The following LRRTM4 variants were observed in gnomAD, a reference collection of about 807,000 sequenced individuals.
The protein encoded by LRRTM4 is leucine rich repeat transmembrane neuronal 4, also known as leucine-rich repeat transmembrane neuronal protein 4.
Under a neutral mutation model 47.6 loss-of-function variants are expected in LRRTM4, and 25 were observed. The observed-to-expected ratio is 0.53, with a 90% CI of 0.38 to 0.73. The LOEUF (loss-of-function observed/expected upper bound fraction) is 0.73. LRRTM4 is among the 30% of genes least tolerant of loss of function. LRRTM4 has a pLI of 0.00. For missense variants in LRRTM4, 638 were observed against 713.4 expected (o/e 0.89, Z 1.20); for synonymous variants, 311 against 269.5 (o/e 1.15, Z -1.51).
At chr2:77,217,440 A>AATATATATAGATAT in intron 3 of LRRTM4, among the ~76,000 whole-genome samples, 1 of 76,794 alleles carries the variant, frequency 1.3e-5, no homozygotes, top group East Asian at 4.5e-4. Context: ...CTCCAAATGA[A>AATATATATAGATAT]ATATATATAT....
intron 3 of LRRTM4, among the ~76,000 whole-genome samples, chr2:76,936,085 T>C (rs943293273): frequency 1.3e-5 from 2 of 152,196 alleles, no homozygotes; most frequent in Non-Finnish European, 2.9e-5. Flanking sequence ...AATCCCATAC[T>C]GGGTATATAC....
intron 3 of LRRTM4, among the ~76,000 whole-genome samples, chr2:76,999,537 T>G (rs977058680): frequency 6.6e-6 from 1 of 151,962 alleles, no homozygotes; most frequent in African/African-American, 2.4e-5. Context: ...TCAACATATA[T>G]TGAGCCTAGG....
In LRRTM4 at chr2:77,158,534, T is replaced by G. The variant is rs114290496; in HGVS notation, c.1551+359784A>C. ...ATTTCATGGGCACTGCCTATTTTTT[T>G]ACCTTTTTTTTGCAATATTCTGTTT... is the stretch of plus-strand genomic sequence containing the variant. On this transcript the variant is annotated intron_variant, in intron 3 of 3. Coordinates refer to ENST00000409884, the MANE Select transcript of LRRTM4 (RefSeq NM_001134745.3). Among the ~76,000 whole-genome samples the G allele has an allele frequency of 5.0e-3, 763 of 152,306 alleles. 9 individuals carry two copies. The highest frequency in any genetic ancestry group is 0.018 in the African/African-American group (737 of 41,580).
In LRRTM4 at chr2:76,951,586, A is replaced by G. The variant is rs1272904427; in HGVS notation, c.1552-202670T>C. On this transcript the variant is annotated intron_variant, in intron 3 of 3. Transcript: ENST00000409884. Reference sequence around the variant, plus strand: ...AAATTTCAAGGTTTGTTTGACTATAAGAAATTGCTGCTCAAACCTTCAGAT... The same window carrying G: ...AAATTTCAAGGTTTGTTTGACTATAGGAAATTGCTGCTCAAACCTTCAGAT... 2.6e-5 allele frequency among the ~76,000 whole-genome samples: 4 copies of G among 152,084 alleles called. No individual in the cohort carries two copies. The East Asian group carries it at 5.8e-4, about 22-fold the overall frequency.
At chr2:76,990,458 G>A (rs907203230) in intron 3 of LRRTM4, among the ~76,000 whole-genome samples, 1 of 151,608 alleles carries the variant, frequency 6.6e-6, no homozygotes, top group Admixed American at 6.6e-5. Context: ...GGAAAAAGAT[G>A]TGTCAGGCAG....
In LRRTM4 at chr2:77,152,720, AG is replaced by A. The variant is rs540789832; in HGVS notation, c.1551+365597del. 1.2e-3 allele frequency among the ~76,000 whole-genome samples: 184 copies of A among 152,310 alleles called. 2 individuals carry two copies. The highest frequency in any genetic ancestry group is 3.3e-3 in the Admixed American group (50 of 15,294). On this transcript the variant is annotated intron_variant, in intron 3 of 3. Coordinates refer to ENST00000409884, the MANE Select transcript of LRRTM4 (RefSeq NM_001134745.3). ...TGTGAACTAAATGAGCGAATACCTGAGAAGCATGTATAATAATTGAGTAACA... is the reference window on the plus strand; with the variant it reads ...TGTGAACTAAATGAGCGAATACCTGAAAGCATGTATAATAATTGAGTAACA...
At chr2:76,782,387 G>T (rs1357990187) in intron 3 of LRRTM4, among the ~76,000 whole-genome samples, 1 of 152,136 alleles carries the variant, frequency 6.6e-6, no homozygotes, top group African/African-American at 2.4e-5. Flanking sequence ...AGAAGTTCCA[G>T]TATAACTAGT....
At chr2:76,986,024 C>A (rs1296310711) in intron 3 of LRRTM4, 1 of 151,934 alleles carries the variant, frequency 6.6e-6, no homozygotes, top group East Asian at 1.9e-4. Context: ...ACCTTCCATT[C>A]GCATTGTAAC....
intron 3 of LRRTM4, among the ~76,000 whole-genome samples, chr2:77,157,733 A>T (rs1672597898): frequency 6.6e-6 from 1 of 152,086 alleles, no homozygotes; most frequent in Non-Finnish European, 1.5e-5. Flanking sequence ...TGTGATCCTT[A>T]TGGAAGAAAA....
chr2:77,263,055 G>C (rs1359645573), intron 3 of LRRTM4, among the ~76,000 whole-genome samples: 1 of 152,064 alleles, frequency 6.6e-6, no homozygotes, highest in African/African-American at 2.4e-5. Context: ...CTCCAGGGAG[G>C]AGACAGGGGC....
chr2:77,449,054 T>C (rs778585192), intron 3 of LRRTM4, among the ~76,000 whole-genome samples: 13 of 152,208 alleles, frequency 8.5e-5, no homozygotes, highest in Non-Finnish European at 1.6e-4. Flanking sequence ...GGAATAGCAG[T>C]GAATTGAGTC....
At chr2:76,868,121 G>A (rs115151960) in intron 3 of LRRTM4, among the ~76,000 whole-genome samples, 3,014 of 152,238 alleles carry the variant, frequency 0.02, 105 homozygotes, top group African/African-American at 0.068. Context: ...ACTGAATCAG[G>A]AATGTAAAGT....
At chr2:77,388,388 C>T (rs1197491671) in intron 3 of LRRTM4, among the ~76,000 whole-genome samples, 1 of 152,092 alleles carries the variant, frequency 6.6e-6, no homozygotes, top group Admixed American at 6.6e-5. Context: ...GACAGCAATA[C>T]AGAAGGAGTC....
At chr2:77,164,293 G>A (rs939059536) in intron 3 of LRRTM4, among the ~76,000 whole-genome samples, 2 of 152,126 alleles carry the variant, frequency 1.3e-5, no homozygotes, top group African/African-American at 4.8e-5. Context: ...CAATACAGGA[G>A]CACCCAGATT....
At chr2:77,015,600 A>G (rs1415336001) in intron 3 of LRRTM4, among the ~76,000 whole-genome samples, 1 of 152,154 alleles carries the variant, frequency 6.6e-6, no homozygotes, top group African/African-American at 2.4e-5. Flanking sequence ...CTGGGATTAC[A>G]GGTGTGAGCC....
At chr2:76,841,070 A>T (rs1342494752) in intron 3 of LRRTM4, among the ~76,000 whole-genome samples, 2 of 143,534 alleles carry the variant, frequency 1.4e-5, no homozygotes, top group African/African-American at 5.6e-5. Flanking sequence ...TGTGGCACAT[A>T]GACACCATGG....
intron 3 of LRRTM4, among the ~76,000 whole-genome samples, chr2:77,246,200 C>A (rs1202497751): frequency 1.3e-5 from 2 of 152,106 alleles, no homozygotes; most frequent in African/African-American, 4.8e-5. Context: ...TTGTTTTCTA[C>A]AATTTAATTG....
At chr2:77,072,800 CA>C (rs373786120) in intron 3 of LRRTM4, among the ~76,000 whole-genome samples, 1,945 of 78,686 alleles carry the variant, frequency 0.025, 10 homozygotes, top group African/African-American at 0.09. Context: ...CTCCGTCTTC[CA>C]AAAAAAAAAA....
intron 3 of LRRTM4, among the ~76,000 whole-genome samples, chr2:77,355,735 A>G (rs1324754412): frequency 6.6e-6 from 1 of 152,214 alleles, no homozygotes; most frequent in Admixed American, 6.5e-5. Context: ...CAGTTTGTCT[A>G]ATTGGCTCTG....
Sources: gnomAD v4.1 joint callset for allele counts (sites outside exome capture counted in the v4.1 genomes callset) on GRCh38, gnomAD v4.1.1 for gene constraint, MANE v1.5 for transcripts, NCBI Gene and HGNC (gene_info 2026-07-23, HGNC 2026-07-21) for gene names.